ANKRD46: variants seen among roughly 807,000 people sequenced by gnomAD.
ANKRD46 encodes ankyrin repeat domain 46.
ANKRD46 carries 13 observed loss-of-function variants against 19.8 expected under a neutral mutation model. The observed-to-expected ratio is 0.66, with a 90% CI of 0.43 to 1.04. ANKRD46 has a LOEUF of 1.04. ANKRD46 is among the 50% of genes least tolerant of loss of function. The pLI is 0.00. For synonymous variants in ANKRD46, 91 were observed against 106.9 expected (o/e 0.85, Z 0.92); for missense variants, 185 against 274.8 (o/e 0.67, Z 2.31).
At position 100,522,238 on chromosome 8, in the gene ANKRD46, G is replaced by C; in HGVS notation, c.*317C>G. 1.8e-6 allele frequency: 2 copies of C among 1,112,084 alleles called. No homozygotes were observed. The highest frequency in any genetic ancestry group is 2.2e-6 in the Non-Finnish European group (2 of 907,854). 68.9% of individuals were successfully genotyped at this position (1,112,084 alleles called of 1,614,324 possible). A position where few individuals can be genotyped will look rare whatever the true frequency, so the allele number is the denominator to read the frequency against. ...CCTATATTAGGATAAGGTTTTGATA[G>C]CAAGGACTTCCTAGCTTCTTCCTTT... On this transcript the variant is annotated 3_prime_UTR_variant, in exon 5 of 5. Coordinates refer to ENST00000335659, the MANE Select transcript of ANKRD46 (RefSeq NM_001270377.2).
At chr8:100,520,711 C>CA (rs1415651632), downstream of ANKRD46, 4 of 763,294 alleles carry the variant, frequency 5.2e-6, no homozygotes, top group African/African-American at 1.1e-4. Context: ...CAATCCATTA[C>CA]AAAATCCCCA....
chr8:100,526,201 C>A (rs1159329932), intron 4 of ANKRD46, among the ~76,000 whole-genome samples: 4 of 152,278 alleles, frequency 2.6e-5, no homozygotes, highest in South Asian at 2.1e-4. Flanking sequence ...ACTGCTCATC[C>A]AATGGAATAT....
chr8:100,516,501 AC>A (rs959476837), downstream of ANKRD46, among the ~76,000 whole-genome samples: 3 of 152,070 alleles, frequency 2.0e-5, no homozygotes, highest in Non-Finnish European at 2.9e-5. Context: ...CTAACTATCC[AC>A]CCCCCCATCA....
intron 1 of ANKRD46, among the ~76,000 whole-genome samples, chr8:100,558,194 C>T (rs1812538291): frequency 6.6e-6 from 1 of 152,156 alleles, no homozygotes; most frequent in Non-Finnish European, 1.5e-5. Context: ...ATACAATTTC[C>T]CTTTTGATAA....
In ANKRD46 at chr8:100,529,455, G is replaced by A. The variant is rs919564256; in HGVS notation, c.311+68C>T. The A allele has an allele frequency of 1.4e-6, 2 of 1,463,852 alleles. No individual in the cohort carries two copies. The highest frequency in any genetic ancestry group is 1.9e-6 in the Non-Finnish European group (2 of 1,080,358). 90.7% of individuals were successfully genotyped at this position (1,463,852 alleles called of 1,614,324 possible). ...GAGGAAACAAAACCAACAGACCCAA[G>A]ATAAGATTATCAGTTGAGAGATTAA... On this transcript the variant is annotated intron_variant, in intron 3 of 4. Coordinates refer to ENST00000335659, the MANE Select transcript of ANKRD46 (RefSeq NM_001270377.2). This position sits in a 1 kb window ranked among gnomAD's most constrained non-coding sequence, Gnocchi z 5.8.
intron 1 of ANKRD46, among the ~76,000 whole-genome samples, chr8:100,542,724 A>G (rs1485071493): frequency 6.6e-6 from 1 of 152,112 alleles, no homozygotes; most frequent in Non-Finnish European, 1.5e-5. Flanking sequence ...AGCCTAGTTC[A>G]TGAGGATAGA....
rs1456383690 is a variant in ANKRD46, at chr8:100,525,280, T to C, written c.471-2509A>G. Among the ~76,000 whole-genome samples the C allele has an allele frequency of 6.6e-6, 1 of 152,222 alleles. No homozygotes were observed. The highest frequency in any genetic ancestry group is 1.5e-5 in the Non-Finnish European group (1 of 68,036). ...AGACATAATTCACATCCCATAATAT[T>C]TACCTTTTGAAACTGTACAATTCAG... On this transcript the variant is annotated intron_variant, in intron 4 of 4. Transcript: ENST00000335659. The surrounding 1 kb of genome is among the most constrained non-coding windows in gnomAD (Gnocchi z 4.4).
In ANKRD46 at chr8:100,552,149, TAA is replaced by T. The variant is rs75161004; in HGVS notation, c.-131+7560_-131+7561del. 7.5e-4 allele frequency among the ~76,000 whole-genome samples: 90 copies of T among 120,468 alleles called. 1 individual carries two copies. Among genetic ancestry groups the T allele is most frequent in the African/African-American group, 8.7e-4 (28 of 32,254 alleles). The allele number at this position is 120,468 out of a possible 152,430, so 79.0% of individuals were successfully genotyped here. A position where few individuals can be genotyped will look rare whatever the true frequency, so the allele number is the denominator to read the frequency against. On this transcript the variant is annotated intron_variant, in intron 1 of 4. Coordinates refer to ENST00000335659, the MANE Select transcript of ANKRD46 (RefSeq NM_001270377.2). Reference sequence around the variant, plus strand: ...TGGGTGACAGAGTGAGACTCTGTCTTAAAAAAAAAAAAAAAAAAAAAGAAATG... The same window carrying T: ...TGGGTGACAGAGTGAGACTCTGTCTTAAAAAAAAAAAAAAAAAAAGAAATG...
At chr8:100,549,379 C>T (rs1812336585) in intron 1 of ANKRD46, among the ~76,000 whole-genome samples, 1 of 151,742 alleles carries the variant, frequency 6.6e-6, no homozygotes, top group Non-Finnish European at 1.5e-5. Context: ...GCATACATTG[C>T]CATTCTAATA....
rs1423670624 is a variant in ANKRD46 at position 100,524,101 on chromosome 8, C to A, written c.471-1330G>T. On this transcript the variant is annotated intron_variant, in intron 4 of 4. Transcript: ENST00000335659. This position sits in a 1 kb window ranked among gnomAD's most constrained non-coding sequence, Gnocchi z 4.3. ...AAAACACTGATTCTGGTTTTCAGAA[C>A]TTTATCAATGAGAAATACGACTACC... Among the ~76,000 whole-genome samples the A allele has an allele frequency of 6.6e-6, 1 of 152,150 alleles. No homozygotes were observed. Among genetic ancestry groups the A allele is most frequent in the Non-Finnish European group, 1.5e-5 (1 of 68,030 alleles).
chr8:100,549,978 G>GT (rs1239674777), intron 1 of ANKRD46, among the ~76,000 whole-genome samples: 2 of 152,122 alleles, frequency 1.3e-5, no homozygotes, highest in Non-Finnish European at 2.9e-5. Context: ...CATAATACGT[G>GT]TTTTCTGTAT....
chr8:100,531,335 T>C (rs1314593667), intron 2 of ANKRD46, among the ~76,000 whole-genome samples: 2 of 152,172 alleles, frequency 1.3e-5, no homozygotes, highest in East Asian at 1.9e-4. Context: ...GCTAGACCCA[T>C]CTATTCTTGT....
intron 1 of ANKRD46, among the ~76,000 whole-genome samples, chr8:100,538,129 C>A (rs1413456794): frequency 6.6e-6 from 1 of 152,098 alleles, no homozygotes; most frequent in Non-Finnish European, 1.5e-5. Context: ...TCCAATAATT[C>A]TTTCCTGAAT....
chr8:100,519,850 G>A (rs189410790), downstream of ANKRD46, among the ~76,000 whole-genome samples: 4 of 152,268 alleles, frequency 2.6e-5, no homozygotes, highest in East Asian at 3.9e-4. Context: ...AGCTTGTTGC[G>A]GGGGATGCAT....
At position 100,511,333 on chromosome 8, in the gene ANKRD46, CCA is replaced by C. The variant is rs1462770383; in HGVS notation, c.637-696_637-695del. ...GAGTGCGAGACCCCTGTGCTCACCA[CCA>C]CACTCTTCTGCCTCCCAGTCACAAA... On this transcript the variant is annotated intron_variant, in intron 5 of 5. Transcript: ENST00000520552. This position sits in a 1 kb window ranked among gnomAD's most constrained non-coding sequence, Gnocchi z 4.1. Among the ~76,000 whole-genome samples the C allele has an allele frequency of 6.6e-6, 1 of 152,150 alleles. No individual in the cohort carries two copies. Among genetic ancestry groups the C allele is most frequent in the Non-Finnish European group, 1.5e-5 (1 of 68,036 alleles).
chr8:100,549,140 A>AT (rs34838813), intron 1 of ANKRD46, among the ~76,000 whole-genome samples: 21 of 146,882 alleles, frequency 1.4e-4, no homozygotes, highest in African/African-American at 4.0e-4. Flanking sequence ...TTAGTTCAGA[A>AT]TTTTTTTTTA....
In ANKRD46 at chr8:100,557,476, T is replaced by C. The variant is rs1242511775; in HGVS notation, c.-131+2235A>G. ...ACTGCATCAACCTAACAGGTCTCCC[T>C]GCTTCCATCCTTGCCCTTACAGTCA... is the stretch of plus-strand genomic sequence containing the variant. On this transcript the variant is annotated intron_variant, in intron 1 of 4. Coordinates refer to ENST00000335659, the MANE Select transcript of ANKRD46 (RefSeq NM_001270377.2). The surrounding 1 kb of genome is among the most constrained non-coding windows in gnomAD (Gnocchi z 5.9). Among the ~76,000 whole-genome samples, 1 of 152,166 alleles carries C rather than the reference T, an allele frequency of 6.6e-6. No individual in the cohort carries two copies. Among genetic ancestry groups the C allele is most frequent in the African/African-American group, 2.4e-5 (1 of 41,476 alleles).
intron 1 of ANKRD46, chr8:100,551,713 T>A: frequency 1.7e-6 from 1 of 605,980 alleles, no homozygotes; most frequent in Non-Finnish European, 3.1e-6. Context: ...ACCTTCACCA[T>A]GATGTCTTAG....
At position 100,527,199 on chromosome 8, in the gene ANKRD46, C is replaced by T. The variant is rs1447091247; in HGVS notation, c.470+646G>A. 1.3e-5 allele frequency among the ~76,000 whole-genome samples: 2 copies of T among 152,188 alleles called. No homozygotes were observed. The highest frequency in any genetic ancestry group is 3.8e-4 in the East Asian group (2 of 5,198). On this transcript the variant is annotated intron_variant, in intron 4 of 4. Coordinates refer to ENST00000335659, the MANE Select transcript of ANKRD46 (RefSeq NM_001270377.2). This position sits in a 1 kb window ranked among gnomAD's most constrained non-coding sequence, Gnocchi z 4.0. ...GACCCTGTCAGTTACCACATCTTAG[C>T]TTCGATTACTCACAGGAATCCAAAT...
Sources: allele counts gnomAD v4.1 joint callset (sites outside exome capture counted in the v4.1 genomes callset), GRCh38; gene constraint gnomAD v4.1.1; non-coding constraint Gnocchi (gnomAD v3.1); transcripts MANE v1.5; gene names NCBI Gene and HGNC (gene_info 2026-07-23, HGNC 2026-07-21).